Variants in SLC8A1 observed in about 807,000 individuals in gnomAD.
SLC8A1 encodes the protein solute carrier family 8 member A1.
Under a neutral mutation model 68.3 loss-of-function variants are expected in SLC8A1, and 18 were observed. The ratio of observed to expected loss-of-function variants is 0.26; its 90% CI spans 0.18 to 0.39. The LOEUF is 0.39. Ranked by LOEUF, SLC8A1 falls within the 10% of genes least tolerant of loss-of-function variation. The pLI is 1.00. For missense variants in SLC8A1, 985 were observed against 1,156.7 expected, an observed-to-expected ratio of 0.85 and a Z score of 2.15; for synonymous variants, 475 against 415.5, an observed-to-expected ratio of 1.14 and a Z score of -1.74.
chr2:40,235,129 G>A (rs915277741), intron 2 of SLC8A1, among the ~76,000 whole-genome samples: 38 of 152,134 alleles, frequency 2.5e-4, no homozygotes, highest in African/African-American at 8.2e-4. Flanking sequence ...GAGTTAGGGA[G>A]GATTCCCTCT....
intron 2 of SLC8A1, among the ~76,000 whole-genome samples, chr2:40,286,456 A>G (rs1356298568): frequency 1.3e-5 from 2 of 152,186 alleles, no homozygotes; most frequent in Non-Finnish European, 2.9e-5. Context: ...CATGAATTTT[A>G]TTTAAAATGC....
At chr2:40,122,277 T>C (rs1303684033) in intron 7 of SLC8A1, among the ~76,000 whole-genome samples, 1 of 151,628 alleles carries the variant, frequency 6.6e-6, no homozygotes, top group Non-Finnish European at 1.5e-5. Context: ...GTGAAAAGAA[T>C]CATCATTTGG....
chr2:40,175,236 G>C, intron 3 of SLC8A1, 25 bp downstream of exon 4: 2 of 1,610,062 alleles, frequency 1.2e-6, no homozygotes, highest in Non-Finnish European at 1.7e-6. Flanking sequence ...AAATGGAAAG[G>C]AAATGCAAGA....
chr2:40,121,575 G>GAATT (rs2036823864), intron 7 of SLC8A1, among the ~76,000 whole-genome samples: 1 of 151,686 alleles, frequency 6.6e-6, no homozygotes. Context: ...CCAAATGAGG[G>GAATT]GGAATTACCT....
intron 2 of SLC8A1, among the ~76,000 whole-genome samples, chr2:40,301,511 A>G (rs913786496): frequency 6.7e-6 from 1 of 149,584 alleles, no homozygotes; most frequent in African/African-American, 2.4e-5. Context: ...CAAAGATCAT[A>G]TGTTCTCACT....
At chr2:40,457,273 G>A (rs1703077898) in intron 1 of SLC8A1, among the ~76,000 whole-genome samples, 1 of 152,072 alleles carries the variant, frequency 6.6e-6, no homozygotes, top group Admixed American at 6.6e-5. Context: ...TAAGCTCCCT[G>A]GGGTGCTTTG....
intron 6 of SLC8A1, among the ~76,000 whole-genome samples, chr2:40,150,777 A>G (rs1426958373): frequency 1.3e-5 from 2 of 152,264 alleles, no homozygotes; most frequent in African/African-American, 4.8e-5. Context: ...AAGCATATCC[A>G]GAGGCCAGAA....
chr2:40,293,734 A>G (rs1281999291), intron 2 of SLC8A1, among the ~76,000 whole-genome samples: 1 of 152,160 alleles, frequency 6.6e-6, no homozygotes, highest in African/African-American at 2.4e-5. Context: ...GATTAGGTGC[A>G]ATTTGCTAGT....
At chr2:40,501,411 T>A (rs1245803005) in intron 1 of SLC8A1, among the ~76,000 whole-genome samples, 1 of 152,140 alleles carries the variant, frequency 6.6e-6, no homozygotes, top group African/African-American at 2.4e-5. Context: ...TTGCATACAT[T>A]TGCTCACTTT....
exon 8 of SLC8A1, chr2:40,100,696 G>A (rs1400785588): frequency 6.6e-6 from 1 of 152,126 alleles, no homozygotes; most frequent in African/African-American, 2.4e-5. Flanking sequence ...AGAGGAATGG[G>A]ACAATGGGGA....
chr2:40,383,995 T>C (rs1474222962), intron 2 of SLC8A1, among the ~76,000 whole-genome samples: 1 of 152,098 alleles, frequency 6.6e-6, no homozygotes, highest in Non-Finnish European at 1.5e-5. Flanking sequence ...GTGCAGTGAC[T>C]CACACCTGCA....
intron 2 of SLC8A1, among the ~76,000 whole-genome samples, chr2:40,376,957 A>G (rs1369900785): frequency 1.3e-5 from 2 of 152,102 alleles, no homozygotes; most frequent in Non-Finnish European, 2.9e-5. Flanking sequence ...GACCAGGTAT[A>G]TAATTCTCTT....
At chr2:40,155,115 A>G (rs2044226648) in intron 6 of SLC8A1, among the ~76,000 whole-genome samples, 1 of 149,896 alleles carries the variant, frequency 6.7e-6, no homozygotes, top group Non-Finnish European at 1.5e-5. Flanking sequence ...CAAATCTGAC[A>G]CAGCAGAATT....
intron 7 of SLC8A1, among the ~76,000 whole-genome samples, chr2:40,127,446 G>T (rs896728981): frequency 2.0e-5 from 3 of 152,086 alleles, no homozygotes; most frequent in African/African-American, 7.2e-5. Flanking sequence ...TTAGTTTTGG[G>T]GTTCTGATTT....
chr2:40,323,658 A>G (rs1015502847), intron 2 of SLC8A1, among the ~76,000 whole-genome samples: 3 of 152,188 alleles, frequency 2.0e-5, no homozygotes, highest in Admixed American at 6.5e-5. Flanking sequence ...CTGCAACTCA[A>G]TGATTATCTG....
At chr2:40,196,219 G>A (rs993871743) in intron 2 of SLC8A1, among the ~76,000 whole-genome samples, 1 of 152,000 alleles carries the variant, frequency 6.6e-6, no homozygotes, top group Non-Finnish European at 1.5e-5. Context: ...TAATGTTGGT[G>A]GTGGTACGCT....
At chr2:40,306,024 T>C (rs368067662) in intron 2 of SLC8A1, among the ~76,000 whole-genome samples, 43 of 152,326 alleles carry the variant, frequency 2.8e-4, no homozygotes, top group African/African-American at 9.9e-4. Context: ...TCTTTTCCCT[T>C]ACAGGTTTTG....
At chr2:40,395,066 C>T (rs189375804) in intron 2 of SLC8A1, among the ~76,000 whole-genome samples, 2 of 152,186 alleles carry the variant, frequency 1.3e-5, no homozygotes, top group East Asian at 3.9e-4. Flanking sequence ...CCACTGATGT[C>T]CAGAAAACAG....
intron 2 of SLC8A1, among the ~76,000 whole-genome samples, chr2:40,343,725 C>A (rs1473176441): frequency 6.6e-6 from 1 of 151,992 alleles, no homozygotes; most frequent in Non-Finnish European, 1.5e-5. Context: ...AAAAGATGTT[C>A]ATGACAGACT....
Sources: allele counts gnomAD v4.1 joint callset (sites outside exome capture counted in the v4.1 genomes callset), GRCh38; gene constraint gnomAD v4.1.1; transcripts MANE v1.5; gene names NCBI Gene and HGNC (gene_info 2026-07-23, HGNC 2026-07-21).